Variants in FSTL4 observed in about 807,000 individuals in gnomAD.
The protein encoded by FSTL4 is follistatin-related protein 4.
A neutral mutation model predicts 78.2 loss-of-function variants in FSTL4; 28 were observed. That is an observed-to-expected ratio of 0.36 (90% CI 0.27 to 0.49). FSTL4 has a LOEUF of 0.49. Among genes scored for constraint, FSTL4 ranks in the 20% least tolerant of loss-of-function variants. FSTL4 has a pLI of 0.98. For missense variants in FSTL4, 922 were observed against 1,084.9 expected, an observed-to-expected ratio of 0.85 and a Z score of 2.11; for synonymous variants, 422 against 440.5, an observed-to-expected ratio of 0.96 and a Z score of 0.53.
At chr5:133,452,273 T>C (rs547143993) in intron 3 of FSTL4, among the ~76,000 whole-genome samples, 4 of 152,374 alleles carry the variant, frequency 2.6e-5, no homozygotes, top group Admixed American at 6.5e-5. Flanking sequence ...TAAGAAGATA[T>C]AGACTATTCT....
chr5:133,500,744 T>G (rs761511224), intron 3 of FSTL4, among the ~76,000 whole-genome samples: 1 of 152,190 alleles, frequency 6.6e-6, no homozygotes, highest in Non-Finnish European at 1.5e-5. Flanking sequence ...TAGCCAAACC[T>G]ATTTCCAAAA....
the FSTL4 span, among the ~76,000 whole-genome samples, chr5:133,798,950 A>AAGGGAGGG: frequency 3.7e-5 from 3 of 81,608 alleles, no homozygotes; most frequent in African/African-American, 2.3e-4. Context: ...GAGGATAAGG[A>AAGGGAGGG]AGGGAGGGAG....
chr5:133,812,026 G>A, the FSTL4 span, among the ~76,000 whole-genome samples: 1 of 152,290 alleles, frequency 6.6e-6, no homozygotes, highest in South Asian at 2.1e-4. Flanking sequence ...TCTCAGTAAA[G>A]GACACCATCA....
rs35687853 is a variant in FSTL4, at chr5:133,240,031, C to CT, written c.895-6495dup. Among the ~76,000 whole-genome samples, 1,186 of 152,330 alleles carry CT rather than the reference C, an allele frequency of 7.8e-3. 9 individuals carry two copies. Among genetic ancestry groups the CT allele is most frequent in the East Asian group, 0.014 (72 of 5,188 alleles). On this transcript the variant is annotated intron_variant, in intron 7 of 15. Coordinates refer to ENST00000265342, the MANE Select transcript of FSTL4 (RefSeq NM_015082.2). ...CTTTCCACGCAGTGGAAGCTTTGTT[C>CT]TTTTGCTCTTTGCAATAAATGCTGC...
intron 4 of FSTL4, among the ~76,000 whole-genome samples, chr5:133,393,991 G>C (rs1294436642): frequency 6.6e-6 from 1 of 152,212 alleles, no homozygotes; most frequent in African/African-American, 2.4e-5. Flanking sequence ...CATCTGTTAG[G>C]GACATGCCTT....
chr5:133,789,714 C>T, the FSTL4 span, among the ~76,000 whole-genome samples: 66 of 152,290 alleles, frequency 4.3e-4, no homozygotes, highest in Non-Finnish European at 8.1e-4. Flanking sequence ...GATCAAGGTT[C>T]TGGCTGATTC....
Position 133,316,538 on chromosome 5 carries a change from T to C in FSTL4, c.524A>G (p.Lys175Arg), listed in dbSNP as rs749978369. 6.2e-7 allele frequency: 1 copy of C among 1,614,180 alleles called. No individual in the cohort carries two copies. Among genetic ancestry groups the C allele is most frequent in the South Asian group, 1.1e-5 (1 of 91,082 alleles). ...GDSRQDPASQ[K>R]RLLVESLFRD... ...GAACAGAGATTCCACCAGGAGGCGC[T>C]TCTGGGAGGCAGGGTCTTGTCTGCT... is the stretch of plus-strand genomic sequence containing the variant. Residue 175 changes from lysine to arginine, a missense_variant, in exon 5 of 16, where the codon AAG (lysine) becomes AGG (arginine). Physicochemically the swap from Lys to Arg is conservative, Grantham distance 26. Transcript: ENST00000265342.
At chr5:133,651,797 T>C in the FSTL4 span, among the ~76,000 whole-genome samples, 10 of 152,324 alleles carry the variant, frequency 6.6e-5, no homozygotes, top group Non-Finnish European at 1.0e-4. Context: ...GCTGACCTCA[T>C]AGAATGACTT....
chr5:133,483,455 G>C (rs1758069459), intron 3 of FSTL4, among the ~76,000 whole-genome samples: 1 of 152,180 alleles, frequency 6.6e-6, no homozygotes, highest in African/African-American at 2.4e-5. Context: ...AAAAGGGCTA[G>C]GATAAGCTGG....
At chr5:133,311,780 T>C (rs1352848601) in intron 6 of FSTL4, among the ~76,000 whole-genome samples, 1 of 152,224 alleles carries the variant, frequency 6.6e-6, no homozygotes, top group African/African-American at 2.4e-5. Context: ...ACTTAGGAAC[T>C]GTGAGCTGGC....
At chr5:133,303,648 C>T (rs1040239573) in intron 6 of FSTL4, among the ~76,000 whole-genome samples, 8 of 152,224 alleles carry the variant, frequency 5.3e-5, no homozygotes, top group African/African-American at 1.7e-4. Context: ...AGCCCACAAG[C>T]TGGGCCTTGT....
chr5:133,262,838 C>T (rs1251585874), intron 6 of FSTL4, among the ~76,000 whole-genome samples: 1 of 152,070 alleles, frequency 6.6e-6, no homozygotes, highest in Non-Finnish European at 1.5e-5. Flanking sequence ...GCCACCCTGA[C>T]TGGCATCAGG....
chr5:133,485,621 C>T (rs1403391246), intron 3 of FSTL4, among the ~76,000 whole-genome samples: 2 of 152,164 alleles, frequency 1.3e-5, no homozygotes, highest in Admixed American at 6.5e-5. Context: ...TAGCAGGAGC[C>T]ATTGCAGCTG....
intron 3 of FSTL4, among the ~76,000 whole-genome samples, chr5:133,437,495 T>TG (rs66692253): frequency 0.024 from 3,424 of 145,684 alleles, 131 homozygotes; most frequent in African/African-American, 0.083. Flanking sequence ...GTTTTTTTTT[T>TG]TTTTTTTTTT....
At chr5:133,497,449 A>T (rs1210641605) in intron 3 of FSTL4, among the ~76,000 whole-genome samples, 7 of 152,200 alleles carry the variant, frequency 4.6e-5, no homozygotes, top group African/African-American at 1.7e-4. Context: ...AGCTGCTGAG[A>T]GTATTTTTGC....
chr5:133,294,287 G>A (rs1029592638), intron 6 of FSTL4, among the ~76,000 whole-genome samples: 2 of 152,140 alleles, frequency 1.3e-5, no homozygotes, highest in South Asian at 2.1e-4. Context: ...ACTCTGTGTG[G>A]TGTCCAGGGT....
intron 2 of FSTL4, among the ~76,000 whole-genome samples, chr5:133,602,553 A>T (rs937732778): frequency 7.2e-5 from 11 of 152,224 alleles, no homozygotes; most frequent in Non-Finnish European, 1.6e-4. Flanking sequence ...TCAACAATAT[A>T]TGTGTAGGAT....
At chr5:133,726,665 A>AG in the FSTL4 span, among the ~76,000 whole-genome samples, 5 of 152,178 alleles carry the variant, frequency 3.3e-5, no homozygotes, top group African/African-American at 9.7e-5. Context: ...GATAGATTCA[A>AG]GGGGGGCTGG....
rs529548094 is a variant in FSTL4 at position 133,558,704 on chromosome 5, T to C, written c.160+8482A>G. 1.8e-4 allele frequency among the ~76,000 whole-genome samples: 28 copies of C among 152,136 alleles called. No homozygotes were observed. In the South Asian group the frequency reaches 5.6e-3, roughly 30 times the overall value. On this transcript the variant is annotated intron_variant, in intron 3 of 15. Transcript: ENST00000265342. ...CAATGGCAACCTTGGCCAAGAAATA[T>C]AACCCAAATAAGAGCATGTAGAGAC...
Sources: gnomAD v4.1 joint callset for allele counts (sites outside exome capture counted in the v4.1 genomes callset) on GRCh38, gnomAD v4.1.1 for gene constraint, MANE v1.5 for transcripts, NCBI Gene and HGNC (gene_info 2026-07-23, HGNC 2026-07-21) for gene names.